Variants in DND1 observed in about 807,000 individuals in gnomAD.
DND1 encodes dead end protein homolog 1.
A neutral mutation model predicts 30.4 loss-of-function variants in DND1; 6 were observed. That is an observed-to-expected ratio of 0.20 (90% confidence interval 0.11 to 0.39). DND1 has a LOEUF of 0.39. DND1 is among the 10% of genes least tolerant of loss of function. The pLI, the probability that DND1 is intolerant of heterozygous loss-of-function variation, is 1.00. For missense variants in DND1, 358 were observed against 474.9 expected (o/e 0.75, Z 2.29); for synonymous variants, 178 against 210.4 (o/e 0.85, Z 1.33).
chr5:140,672,809 G>A lies in DND1; in HGVS notation c.240C>T (p.Arg80=). 2.6e-6 allele frequency: 4 copies of A among 1,567,744 alleles called. No homozygotes were observed. The highest frequency in any genetic ancestry group is 3.4e-6 in the Non-Finnish European group (4 of 1,163,996). ...YEHQLIPLFQ[R]VGRLYEFRLM... is the part of the protein sequence containing the mutation. Reference sequence around the variant, plus strand: ...GGCGGAACTCGTAGAGGCGGCCCACGCGCTGGAACAGCGGGATAAGCTGGT... The same window carrying A: ...GGCGGAACTCGTAGAGGCGGCCCACACGCTGGAACAGCGGGATAAGCTGGT... Residue 80 remains arginine, a synonymous_variant, in exon 3 of 4, where the codon CGC becomes CGT. Transcript: ENST00000542735.
At position 140,673,337 on chromosome 5, in the gene DND1, C is replaced by T; in HGVS notation, c.76G>A (p.Val26Ile). Residue 26 changes from valine to isoleucine, a missense_variant, in exon 2 of 4, where the codon GTC (valine) becomes ATC (isoleucine). Coordinates refer to ENST00000542735, the MANE Select transcript of DND1 (RefSeq NM_194249.3). Reference sequence around the variant, plus strand: ...ACCAGGCGGATGCCTGTCTCCCTGACCCACGCCTCCAGCGCCGCCTTGTTC... The same window carrying T: ...ACCAGGCGGATGCCTGTCTCCCTGATCCACGCCTCCAGCGCCGCCTTGTTC... ...PENKAALEAW[V>I]RETGIRLVQV... 1 of 1,614,160 alleles carries T rather than the reference C, an allele frequency of 6.2e-7. No homozygotes were observed. Among genetic ancestry groups the T allele is most frequent in the Non-Finnish European group, 8.5e-7 (1 of 1,180,020 alleles).
intron 2 of DND1, 157 bp from the exon 3 acceptor site, chr5:140,673,063 C>G: frequency 9.7e-7 from 1 of 1,027,062 alleles, no homozygotes; most frequent in Non-Finnish European, 1.5e-6. Flanking sequence ...GGTGACTGCG[C>G]TAACAAGGGG....
intron 1 of DND1, 62 bp from the exon 2 acceptor site, chr5:140,673,450 T>C: frequency 1.2e-6 from 2 of 1,613,372 alleles, no homozygotes; most frequent in Non-Finnish European, 1.7e-6. Flanking sequence ...TCTCCTGTGG[T>C]ACTGGGGTCC....
intron 3 of DND1, 188 bp from the exon 4 acceptor site, chr5:140,671,938 C>T (rs1392105541): frequency 1.8e-5 from 12 of 662,820 alleles, no homozygotes; most frequent in Non-Finnish European, 3.1e-5. Flanking sequence ...TAACACACTG[C>T]TACCTTACAA....
At position 140,673,556 on chromosome 5, in the gene DND1, G is replaced by GC; in HGVS notation, c.-15dup. On this transcript the variant is annotated 5_prime_UTR_variant, in exon 1 of 4. Coordinates refer to ENST00000542735, the MANE Select transcript of DND1 (RefSeq NM_194249.3). ...CTTGGACTGCATGGCTCTCCAGCTG[G>GC]CCCCCTCGTACCCTCTTTATAACTT... 1.3e-6 allele frequency: 2 copies of GC among 1,568,312 alleles called. No homozygotes were observed. The highest frequency in any genetic ancestry group is 1.7e-6 in the Non-Finnish European group (2 of 1,155,908).
chr5:140,671,251 C>T lies in DND1; in HGVS notation c.*42G>A, dbSNP rs760828500. 3.0e-5 allele frequency: 49 copies of T among 1,610,564 alleles called. No individual in the cohort carries two copies. The highest frequency in any genetic ancestry group is 4.1e-5 in the Non-Finnish European group (48 of 1,178,576). ...CTGCTGGGATGGGGCCTGACACAGG[C>T]TCTGCATGCCCATTCAGGGTGCCTG... is the stretch of plus-strand genomic sequence containing the variant. On this transcript the variant is annotated 3_prime_UTR_variant, in exon 4 of 4. Transcript: ENST00000542735.
chr5:140,673,431 G>C (rs1561996201), intron 1 of DND1, 43 bp from the exon 2 acceptor site: 1 of 1,613,336 alleles, frequency 6.2e-7, no homozygotes, highest in Non-Finnish European at 8.5e-7. Context: ...CGCCAAGCGC[G>C]CCCCCACCTC....
At position 140,670,986 on chromosome 5, in the gene DND1, A is replaced by T; in HGVS notation, c.*307T>A. 1 of 479,718 alleles carries T rather than the reference A, an allele frequency of 2.1e-6. No individual in the cohort carries two copies. Among genetic ancestry groups the T allele is most frequent in the South Asian group, 2.3e-5 (1 of 44,430 alleles). The allele number at this position is 479,718 out of a possible 1,614,324, so 29.7% of individuals were successfully genotyped here. Reference sequence around the variant, plus strand: ...CAGGACAATAAAGAAGATTCATGCTAAGCTGTGGCAGAGGGGGGAAGGTAT... The same window carrying T: ...CAGGACAATAAAGAAGATTCATGCTTAGCTGTGGCAGAGGGGGGAAGGTAT... On this transcript the variant is annotated 3_prime_UTR_variant, in exon 4 of 4. Coordinates refer to ENST00000542735, the MANE Select transcript of DND1 (RefSeq NM_194249.3).
intron 2 of DND1, 96 bp downstream of exon 2, chr5:140,673,175 G>T: frequency 7.3e-7 from 1 of 1,370,998 alleles, no homozygotes; most frequent in East Asian, 2.3e-5. Flanking sequence ...ATAAATCCGG[G>T]TAGTTCGCAG....
rs1216150914 is a variant in DND1 at position 140,673,513 on chromosome 5, G to A, written c.24+6C>T. On this transcript the variant is annotated splice_donor_region_variant and intron_variant, in intron 1 of 3. Coordinates refer to ENST00000542735, the MANE Select transcript of DND1 (RefSeq NM_194249.3). The stretch of plus-strand genomic sequence containing the variant: ...CTCGCCGGCCCCCAAGTCGCCAGCC[G>A]CTTACCTCACAATCCCGCTTGGACT... 4 of 1,596,072 alleles carry A rather than the reference G, an allele frequency of 2.5e-6. No homozygotes were observed. The highest frequency in any genetic ancestry group is 2.3e-5 in the East Asian group (1 of 43,624).
Position 140,673,247 on chromosome 5 carries a change from G to T in DND1, c.142+24C>A, listed in dbSNP as rs779624497. 5 of 1,611,224 alleles carry T rather than the reference G, an allele frequency of 3.1e-6. No homozygotes were observed. The East Asian group carries it at 1.1e-4, about 36-fold the overall frequency. ...AAAGGGGGCTGGTGTAGCCGGACAG[G>T]CGGAGGGGCTGGGACTACCGTACCT... is the stretch of plus-strand genomic sequence containing the variant. On this transcript the variant is annotated intron_variant, in intron 2 of 3. Coordinates refer to ENST00000542735, the MANE Select transcript of DND1 (RefSeq NM_194249.3).
Position 140,673,567 on chromosome 5 carries a change from C to T in DND1, c.-25G>A. 1 of 1,560,710 alleles carries T rather than the reference C, an allele frequency of 6.4e-7. No homozygotes were observed. The highest frequency in any genetic ancestry group is 8.7e-7 in the Non-Finnish European group (1 of 1,151,702). ...TGGCTCTCCAGCTGGCCCCCTCGTA[C>T]CCTCTTTATAACTTCCTCCCCACCG... On this transcript the variant is annotated 5_prime_UTR_variant, in exon 1 of 4. Coordinates refer to ENST00000542735, the MANE Select transcript of DND1 (RefSeq NM_194249.3).
At chr5:140,671,966 C>T in intron 3 of DND1, 1 of 621,606 alleles carries the variant, frequency 1.6e-6, no homozygotes, top group Admixed American at 2.8e-5. Flanking sequence ...TGGAGAAGTA[C>T]TGGTTAATTG....
chr5:140,672,114 T>C (rs1399993023), intron 3 of DND1: 2 of 540,132 alleles, frequency 3.7e-6, no homozygotes, highest in African/African-American at 1.9e-5. Context: ...ACAGATTCTA[T>C]AGTAGTAAAA....
chr5:140,672,361 T>C (rs1312325225), intron 3 of DND1, 84 bp downstream of exon 3: 11 of 1,399,178 alleles, frequency 7.9e-6, no homozygotes, highest in African/African-American at 1.4e-5. Flanking sequence ...GACTCTAAGA[T>C]CTTGTAACTT....
In DND1 at chr5:140,672,611, C is replaced by A; in HGVS notation, c.438G>T (p.Pro146=). The A allele has an allele frequency of 6.4e-7, 1 of 1,568,296 alleles. No individual in the cohort carries two copies. ...EKCELSVDGL[P]PNLTRSALLL... ...GCAGCGCGCTGCGGGTCAGATTCGG[C>A]GGCAGGCCGTCAACGCTCAGCTCAC... Residue 146 remains proline, a synonymous_variant, in exon 3 of 4, where the codon CCG becomes CCT. Coordinates refer to ENST00000542735, the MANE Select transcript of DND1 (RefSeq NM_194249.3).
intron 3 of DND1, 124 bp from the exon 4 acceptor site, chr5:140,671,874 A>G: frequency 1.8e-6 from 2 of 1,108,122 alleles, no homozygotes; most frequent in East Asian, 2.6e-5. Context: ...TAGTGTGACC[A>G]TGGGTAAGAA....
intron 2 of DND1, 130 bp from the exon 3 acceptor site, chr5:140,673,036 G>T: frequency 1.7e-6 from 2 of 1,160,442 alleles, no homozygotes; most frequent in South Asian, 1.3e-5. Context: ...CCGTACCCTG[G>T]GTGGTTGGCA....
At chr5:140,672,418 C>T (rs1271642177) in intron 3 of DND1, 27 bp downstream of exon 3, 7 of 1,571,118 alleles carry the variant, frequency 4.5e-6, no homozygotes, top group Non-Finnish European at 6.0e-6. Context: ...GCGTTTGGCC[C>T]CAACCAGCAC....
Sources: allele counts gnomAD v4.1 joint callset, GRCh38; gene constraint gnomAD v4.1.1; transcripts MANE v1.5; gene names NCBI Gene and HGNC (gene_info 2026-07-23, HGNC 2026-07-21).